Variants in TWSG1 observed in about 807,000 individuals in gnomAD.
TWSG1 encodes the protein twisted gastrulation BMP signaling modulator 1.
TWSG1 carries 15 observed loss-of-function variants against 23.0 expected under a neutral mutation model. That is an observed-to-expected ratio of 0.65 (90% CI 0.44 to 1.00). TWSG1 has a LOEUF of 1.00. Among genes scored for constraint, TWSG1 ranks in the 50% least tolerant of loss-of-function variants. The pLI, the probability that TWSG1 is intolerant of heterozygous loss-of-function variation, is 0.00. For synonymous variants in TWSG1, 86 were observed against 92.8 expected, an observed-to-expected ratio of 0.93 and a Z score of 0.42; for missense variants, 242 against 278.7, an observed-to-expected ratio of 0.87 and a Z score of 0.94.
chr18:9,394,093 T>G (rs1271896754), intron 3 of TWSG1, among the ~76,000 whole-genome samples: 3 of 152,186 alleles, frequency 2.0e-5, no homozygotes, highest in Admixed American at 1.3e-4. Context: ...CGAAGAGACA[T>G]CTGCACCTCT....
rs1296672764 is a variant in TWSG1, at chr18:9,383,192, TTG to T, written c.224-13086_224-13085del. 3.2e-4 allele frequency among the ~76,000 whole-genome samples: 19 copies of T among 59,846 alleles called. No individual in the cohort carries two copies. The East Asian group carries it at 6.1e-3, about 19-fold the overall frequency. 39.3% of individuals were successfully genotyped at this position (59,846 alleles called of 152,430 possible). A position where few individuals can be genotyped will look rare whatever the true frequency, so the allele number is the denominator to read the frequency against. On this transcript the variant is annotated intron_variant, in intron 3 of 4. Transcript: ENST00000262120. The stretch of plus-strand genomic sequence containing the variant: ...GATATCCGAATTACACGTTTTTTTT[TTG>T]TTTTTTTTTTTTTTTTTTGAGATGG...
At chr18:9,338,549 T>C (rs890821846) in intron 2 of TWSG1, among the ~76,000 whole-genome samples, 2 of 152,232 alleles carry the variant, frequency 1.3e-5, no homozygotes, top group African/African-American at 4.8e-5. Context: ...CTAATATGTA[T>C]CTCTAAAAGA....
At chr18:9,385,484 C>T (rs1389921751) in intron 3 of TWSG1, among the ~76,000 whole-genome samples, 1 of 39,002 alleles carries the variant, frequency 2.6e-5, no homozygotes, top group Non-Finnish European at 5.3e-5. Context: ...GTCAGGAGAT[C>T]GAGACCATCC....
intron 2 of TWSG1, among the ~76,000 whole-genome samples, chr18:9,345,692 C>T (rs1234945968): frequency 1.3e-5 from 2 of 152,118 alleles, no homozygotes; most frequent in African/African-American, 4.8e-5. Context: ...AGTCTGAGTT[C>T]TCCAACTTTG....
chr18:9,341,340 A>C (rs1429380519), intron 2 of TWSG1, among the ~76,000 whole-genome samples: 1 of 152,212 alleles, frequency 6.6e-6, no homozygotes, highest in African/African-American at 2.4e-5. Context: ...AGTATGTGTC[A>C]AATGTTCTCT....
chr18:9,397,266 T>C (rs76540506), intron 4 of TWSG1, among the ~76,000 whole-genome samples: 11,473 of 152,258 alleles, frequency 0.075, 529 homozygotes, highest in Admixed American at 0.097. Flanking sequence ...ATTCAGAGTA[T>C]CCCATGAAGT....
At chr18:9,384,282 A>G (rs1178393258) in intron 3 of TWSG1, among the ~76,000 whole-genome samples, 3 of 152,224 alleles carry the variant, frequency 2.0e-5, no homozygotes, top group Non-Finnish European at 2.9e-5. Flanking sequence ...TCTAAGACCC[A>G]GGTATGTTAG....
intron 3 of TWSG1, among the ~76,000 whole-genome samples, chr18:9,373,150 A>T (rs1387479419): frequency 1.3e-5 from 2 of 152,236 alleles, no homozygotes; most frequent in Non-Finnish European, 2.9e-5. Context: ...GAAAGTTATC[A>T]GAGATAAAGA....
rs144912296 is a variant in TWSG1, at chr18:9,369,576, T to C, written c.223+9505T>C. Among the ~76,000 whole-genome samples the C allele has an allele frequency of 3.9e-3, 592 of 152,272 alleles. 1 individual carries two copies. Among genetic ancestry groups the C allele is most frequent in the African/African-American group, 0.013 (550 of 41,566 alleles). On this transcript the variant is annotated intron_variant, in intron 3 of 4. Coordinates refer to ENST00000262120, the MANE Select transcript of TWSG1 (RefSeq NM_020648.6). ...CCACCGCACCTGGGCCCTTTGCCCA[T>C]TTTTTAATATTGGATTATTTGTTTT... is the stretch of plus-strand genomic sequence containing the variant.
In TWSG1 at chr18:9,384,629, T is replaced by C. The variant is rs79695223; in HGVS notation, c.224-11651T>C. Reference sequence around the variant, plus strand: ...TCAGATATCTAAAAGGAAAGACAAATGTGCTTATGTGCTTTCCCTTTTTTT... The same window carrying C: ...TCAGATATCTAAAAGGAAAGACAAACGTGCTTATGTGCTTTCCCTTTTTTT... On this transcript the variant is annotated intron_variant, in intron 3 of 4. Transcript: ENST00000262120. Among the ~76,000 whole-genome samples the C allele has an allele frequency of 2.2e-3, 334 of 151,618 alleles. 1 individual carries two copies. The highest frequency in any genetic ancestry group is 0.017 in the Middle Eastern group (5 of 292).
Position 9,343,332 on chromosome 18 carries a change from A to G in TWSG1, c.123+5980A>G, listed in dbSNP as rs1175573103. Among the ~76,000 whole-genome samples the G allele has an allele frequency of 3.4e-5, 5 of 147,550 alleles. No homozygotes were observed. In the East Asian group the frequency reaches 9.8e-4, roughly 29 times the overall value. On this transcript the variant is annotated intron_variant, in intron 2 of 4. Coordinates refer to ENST00000262120, the MANE Select transcript of TWSG1 (RefSeq NM_020648.6). Reference sequence around the variant, plus strand: ...CTATATTTTTGTATAATATATAATTATGTATAGTGTCCTCTTTTCTTTCTG... The same window carrying G: ...CTATATTTTTGTATAATATATAATTGTGTATAGTGTCCTCTTTTCTTTCTG...
At chr18:9,346,218 T>G (rs1363053141) in intron 2 of TWSG1, among the ~76,000 whole-genome samples, 1 of 152,200 alleles carries the variant, frequency 6.6e-6, no homozygotes, top group Non-Finnish European at 1.5e-5. Flanking sequence ...TTTTCCACAA[T>G]GTCATATAGT....
intron 4 of TWSG1, among the ~76,000 whole-genome samples, chr18:9,398,150 G>A (rs2040746538): frequency 6.6e-6 from 1 of 151,946 alleles, no homozygotes; most frequent in Non-Finnish European, 1.5e-5. Context: ...TAAAACAAAT[G>A]CTAGATTTTG....
At chr18:9,335,891 C>T (rs796417275) in intron 1 of TWSG1, among the ~76,000 whole-genome samples, 10 of 152,272 alleles carry the variant, frequency 6.6e-5, no homozygotes, top group African/African-American at 1.9e-4. Flanking sequence ...ATCCCTCTTA[C>T]GTCAGTAGTC....
At chr18:9,337,065 C>A in intron 1 of TWSG1, 128 bp from the exon 2 acceptor site, 1 of 794,210 alleles carries the variant, frequency 1.3e-6, no homozygotes, top group Non-Finnish European at 1.9e-6. Context: ...CAGAGCAAGA[C>A]TCTAAAAAAG....
At chr18:9,388,745 A>G (rs2040697397) in intron 3 of TWSG1, among the ~76,000 whole-genome samples, 1 of 152,220 alleles carries the variant, frequency 6.6e-6, no homozygotes, top group African/African-American at 2.4e-5. Flanking sequence ...TTTTAGAGAC[A>G]GGGTCTCACG....
Position 9,400,541 on chromosome 18 carries a change from G to A in TWSG1, c.*1014G>A, listed in dbSNP as rs910036455. ...AGGAATTGAAGAAGAGAATTGACTC[G>A]TATGAACAGGACAGGGTGAAAATGC... is the stretch of plus-strand genomic sequence containing the variant. On this transcript the variant is annotated 3_prime_UTR_variant, in exon 5 of 5. Coordinates refer to ENST00000262120, the MANE Select transcript of TWSG1 (RefSeq NM_020648.6). 1 of 152,146 alleles carries A rather than the reference G, an allele frequency of 6.6e-6. No homozygotes were observed. Among genetic ancestry groups the A allele is most frequent in the East Asian group, 1.9e-4 (1 of 5,206 alleles). The allele number at this position is 152,146 out of a possible 1,614,324, so 9.4% of individuals were successfully genotyped here.
At chr18:9,336,328 G>T (rs1482309534) in intron 1 of TWSG1, among the ~76,000 whole-genome samples, 1 of 151,864 alleles carries the variant, frequency 6.6e-6, no homozygotes, top group Non-Finnish European at 1.5e-5. Context: ...GGAGGCGGAG[G>T]TTGCAGTGAG....
chr18:9,337,155 C>A, intron 1 of TWSG1, 38 bp from the exon 2 acceptor site: 1 of 1,539,746 alleles, frequency 6.5e-7, no homozygotes, highest in Non-Finnish European at 8.9e-7. Context: ...TTTACCCTAG[C>A]ACTTGCCTTT....
Sources: gnomAD v4.1 joint callset for allele counts (sites outside exome capture counted in the v4.1 genomes callset) on GRCh38, gnomAD v4.1.1 for gene constraint, MANE v1.5 for transcripts, NCBI Gene and HGNC (gene_info 2026-07-23, HGNC 2026-07-21) for gene names.